SCHIP1: variants seen among roughly 807,000 people sequenced by gnomAD.
SCHIP1 encodes schwannomin-interacting protein 1.
SCHIP1 carries 8 observed loss-of-function variants against 29.7 expected under a neutral mutation model. The observed-to-expected ratio is 0.27, with a 90% CI of 0.16 to 0.49. SCHIP1 has a LOEUF of 0.49. Among genes scored for constraint, SCHIP1 ranks in the 20% least tolerant of loss-of-function variants. The pLI is 0.99. For synonymous variants in SCHIP1, 76 were observed against 94.9 expected, an observed-to-expected ratio of 0.80 and a Z score of 1.16; for missense variants, 193 against 294.6, an observed-to-expected ratio of 0.66 and a Z score of 2.52.
the SCHIP1 span, among the ~76,000 whole-genome samples, chr3:159,383,539 T>C: frequency 0.11 from 16,543 of 149,970 alleles, 994 homozygotes; most frequent in Non-Finnish European, 0.13. Flanking sequence ...AGTCAGGTAG[T>C]GTGATGCCTC....
the SCHIP1 span, among the ~76,000 whole-genome samples, chr3:159,428,935 C>G: frequency 2.6e-5 from 4 of 151,746 alleles, no homozygotes; most frequent in Non-Finnish European, 4.4e-5. Context: ...TCTCAGTAAA[C>G]TATCGCAAGA....
chr3:159,679,680 C>T, the SCHIP1 span, among the ~76,000 whole-genome samples: 1 of 152,044 alleles, frequency 6.6e-6, no homozygotes, highest in Non-Finnish European at 1.5e-5. Flanking sequence ...TGTCAGTTTC[C>T]CAGGAGCACA....
chr3:159,288,864 T>C, the SCHIP1 span, among the ~76,000 whole-genome samples: 1 of 152,174 alleles, frequency 6.6e-6, no homozygotes, highest in Non-Finnish European at 1.5e-5. Flanking sequence ...CAGATTTTTG[T>C]TGCTCCCTCC....
At chr3:159,673,577 G>A in the SCHIP1 span, among the ~76,000 whole-genome samples, 1 of 152,218 alleles carries the variant, frequency 6.6e-6, no homozygotes, top group South Asian at 2.1e-4. Flanking sequence ...TCTCATGTGA[G>A]CAGCTATATA....
chr3:159,378,917 T>C, the SCHIP1 span, among the ~76,000 whole-genome samples: 1 of 152,216 alleles, frequency 6.6e-6, no homozygotes, highest in Non-Finnish European at 1.5e-5. Flanking sequence ...TCTCTGCTTC[T>C]CTGTTGAGTG....
the SCHIP1 span, among the ~76,000 whole-genome samples, chr3:159,374,368 C>CACTT: frequency 2.0e-5 from 3 of 152,082 alleles, no homozygotes; most frequent in African/African-American, 7.2e-5. Flanking sequence ...TAACAGAAAA[C>CACTT]ACTTACTTAA....
the SCHIP1 span, among the ~76,000 whole-genome samples, chr3:159,521,091 A>G: frequency 3.3e-5 from 5 of 152,218 alleles, no homozygotes; most frequent in Admixed American, 3.3e-4. Context: ...AGTTATTCCC[A>G]TTTACTATCC....
chr3:159,486,751 G>A, the SCHIP1 span, among the ~76,000 whole-genome samples: 22 of 152,298 alleles, frequency 1.4e-4, no homozygotes, highest in Middle Eastern at 3.4e-3. Context: ...GCTCAGCAGC[G>A]CCACCACAGG....
chr3:159,676,602 G>GT, the SCHIP1 span, among the ~76,000 whole-genome samples: 1 of 152,154 alleles, frequency 6.6e-6, no homozygotes, highest in Non-Finnish European at 1.5e-5. Flanking sequence ...AGTTTCCGGG[G>GT]TAAACAGACC....
chr3:159,557,306 T>C, the SCHIP1 span, among the ~76,000 whole-genome samples: 1 of 152,222 alleles, frequency 6.6e-6, no homozygotes, highest in Non-Finnish European at 1.5e-5. Context: ...TATAATTGTA[T>C]TTTTAAAGAG....
At chr3:159,410,402 A>G in the SCHIP1 span, among the ~76,000 whole-genome samples, 1 of 152,136 alleles carries the variant, frequency 6.6e-6, no homozygotes, top group East Asian at 1.9e-4. Flanking sequence ...AATAACCATA[A>G]TATATAAGGA....
chr3:159,854,784 A>G (rs1713125808), intron 1 of SCHIP1, among the ~76,000 whole-genome samples: 1 of 152,208 alleles, frequency 6.6e-6, no homozygotes, highest in Non-Finnish European at 1.5e-5. Context: ...AGAAGAGGAT[A>G]GGTCAGTTTG....
the SCHIP1 span, among the ~76,000 whole-genome samples, chr3:159,619,728 C>A: frequency 6.6e-6 from 1 of 152,212 alleles, no homozygotes; most frequent in Non-Finnish European, 1.5e-5. Context: ...ATCTAGGCTG[C>A]AATCCAAAAG....
At chr3:159,399,527 C>G in the SCHIP1 span, among the ~76,000 whole-genome samples, 5 of 152,094 alleles carry the variant, frequency 3.3e-5, no homozygotes, top group African/African-American at 1.2e-4. Flanking sequence ...CACAAAAGTT[C>G]TCCATTTTAT....
chr3:159,466,148 G>T, the SCHIP1 span, among the ~76,000 whole-genome samples: 2 of 152,054 alleles, frequency 1.3e-5, no homozygotes, highest in Non-Finnish European at 2.9e-5. Context: ...TCTTCAAGAA[G>T]ATTACAATTT....
chr3:159,389,003 C>A, the SCHIP1 span, among the ~76,000 whole-genome samples: 1 of 151,882 alleles, frequency 6.6e-6, no homozygotes. Flanking sequence ...AGACACCATA[C>A]AATCCTGGAC....
the SCHIP1 span, among the ~76,000 whole-genome samples, chr3:159,539,618 T>A: frequency 7.4e-6 from 1 of 135,770 alleles, no homozygotes; most frequent in Non-Finnish European, 1.7e-5. Context: ...CTCGTGTATC[T>A]GTGGAATATC....
At chr3:159,890,757 C>A (rs1717430461) in intron 5 of SCHIP1, among the ~76,000 whole-genome samples, 1 of 151,956 alleles carries the variant, frequency 6.6e-6, no homozygotes, top group South Asian at 2.1e-4. Flanking sequence ...AAATTTTAGA[C>A]CTCTTTGTGT....
the SCHIP1 span, among the ~76,000 whole-genome samples, chr3:159,513,839 C>T: frequency 6.6e-6 from 1 of 152,186 alleles, no homozygotes; most frequent in Non-Finnish European, 1.5e-5. Flanking sequence ...ATCAGCCTCC[C>T]TCTTTTCACA....
Sources: gnomAD v4.1 joint callset for allele counts (sites outside exome capture counted in the v4.1 genomes callset) on GRCh38, gnomAD v4.1.1 for gene constraint, MANE v1.5 for transcripts, NCBI Gene and HGNC (gene_info 2026-07-23, HGNC 2026-07-21) for gene names.